Variants in EPAS1 observed in about 807,000 individuals in gnomAD.
The protein encoded by EPAS1 is endothelial PAS domain protein 1, also known as endothelial PAS domain-containing protein 1.
EPAS1 carries 23 observed loss-of-function variants against 87.9 expected under a neutral mutation model. The observed-to-expected ratio is 0.26, with a 90% CI of 0.19 to 0.37. EPAS1 has a LOEUF of 0.37. Among genes scored for constraint, EPAS1 ranks in the 10% least tolerant of loss-of-function variants. EPAS1 has a pLI of 1.00. For synonymous variants in EPAS1, 508 were observed against 444.3 expected (o/e 1.14, Z -1.80); for missense variants, 1,138 against 1,120.7 (o/e 1.02, Z -0.22).
At chr2:46,340,705 AT>A (rs1246623506) in intron 1 of EPAS1, among the ~76,000 whole-genome samples, 3 of 151,956 alleles carry the variant, frequency 2.0e-5, no homozygotes, top group Non-Finnish European at 4.4e-5. Context: ...CTAATTTAAT[AT>A]TTTCCATTCT....
chr2:46,315,605 C>G (rs1021505011), intron 1 of EPAS1, among the ~76,000 whole-genome samples: 3 of 152,214 alleles, frequency 2.0e-5, no homozygotes, highest in African/African-American at 7.2e-5. Flanking sequence ...CCTTGCCAGG[C>G]CTGCCCAGAA....
chr2:46,360,581 C>T lies in EPAS1; in HGVS notation c.455-57C>T, dbSNP rs1684365126. The T allele has an allele frequency of 6.8e-7, 1 of 1,472,424 alleles. No homozygotes were observed. Among genetic ancestry groups the T allele is most frequent in the African/African-American group, 1.4e-5 (1 of 72,080 alleles). 91.2% of individuals were successfully genotyped at this position (1,472,424 alleles called of 1,614,324 possible). The stretch of plus-strand genomic sequence containing the variant: ...AGAAAAACTGCAGCTGGGCCCCTCT[C>T]ATGAATATCCATATAAAACTGACTT... On this transcript the variant is annotated intron_variant, in intron 4 of 15. Transcript: ENST00000263734. This position sits in a 1 kb window ranked among gnomAD's most constrained non-coding sequence, Gnocchi z 4.5.
At chr2:46,311,991 A>G (rs913945786) in intron 1 of EPAS1, among the ~76,000 whole-genome samples, 1 of 152,194 alleles carries the variant, frequency 6.6e-6, no homozygotes, top group Non-Finnish European at 1.5e-5. Flanking sequence ...ATTCCAGGCC[A>G]CCTGTATCTC....
At chr2:46,324,146 A>C (rs888913386) in intron 1 of EPAS1, among the ~76,000 whole-genome samples, 2 of 152,194 alleles carry the variant, frequency 1.3e-5, no homozygotes, top group African/African-American at 4.8e-5. Context: ...GGCTCACTGC[A>C]AGCTCCGCCT....
intron 1 of EPAS1, among the ~76,000 whole-genome samples, chr2:46,302,839 C>T (rs1300264809): frequency 2.6e-5 from 4 of 151,644 alleles, no homozygotes; most frequent in South Asian, 2.1e-4. Context: ...TTTGAGAGGC[C>T]GAGGCAGGCA....
chr2:46,356,560 C>T (rs1325343466), intron 3 of EPAS1, among the ~76,000 whole-genome samples, 164 bp from the exon 4 acceptor site: 3 of 152,148 alleles, frequency 2.0e-5, no homozygotes, highest in Admixed American at 6.5e-5. Context: ...CAGTAGTCCC[C>T]GATTACATCT....
chr2:46,315,473 A>T (rs542284183), intron 1 of EPAS1, among the ~76,000 whole-genome samples: 1 of 152,278 alleles, frequency 6.6e-6, no homozygotes, highest in East Asian at 1.9e-4. Context: ...CAAGTTCTGG[A>T]TGGCTGCCCA....
intron 11 of EPAS1, chr2:46,379,947 G>T: frequency 1.9e-6 from 1 of 524,008 alleles, no homozygotes. Flanking sequence ...GAGAGAAGGC[G>T]GGCTCCGGAC....
intron 10 of EPAS1, 100 bp from the exon 11 acceptor site, chr2:46,378,557 G>A: frequency 2.0e-6 from 2 of 976,970 alleles, no homozygotes; most frequent in South Asian, 2.7e-5. Flanking sequence ...GAATGGAATT[G>A]AACCTTTGGG....
chr2:46,302,160 CG>C (rs201373195), intron 1 of EPAS1, among the ~76,000 whole-genome samples: 3,749 of 73,648 alleles, frequency 0.051, 152 homozygotes, highest in African/African-American at 0.1. Flanking sequence ...GCCCGTGCGT[CG>C]GGGGGGGGGG....
At chr2:46,313,964 ATTTG>A (rs1430392876) in intron 1 of EPAS1, among the ~76,000 whole-genome samples, 1 of 152,106 alleles carries the variant, frequency 6.6e-6, no homozygotes, top group Non-Finnish European at 1.5e-5. Context: ...TATTTCTTAT[ATTTG>A]TTCAGTGCTT....
chr2:46,317,312 T>A (rs1387706713), intron 1 of EPAS1, among the ~76,000 whole-genome samples: 1 of 152,236 alleles, frequency 6.6e-6, no homozygotes, highest in Non-Finnish European at 1.5e-5. Flanking sequence ...TCACTATCTA[T>A]GGCAGCTATA....
chr2:46,347,247 T>C lies in EPAS1; in HGVS notation c.217+184T>C, dbSNP rs554219035. The C allele has an allele frequency of 1.0e-5, 7 of 701,786 alleles. No homozygotes were observed. The South Asian group carries it at 1.0e-4, about 10-fold the overall frequency. 43.5% of individuals were successfully genotyped at this position (701,786 alleles called of 1,614,324 possible). A position where few individuals can be genotyped will look rare whatever the true frequency, so the allele number is the denominator to read the frequency against. ...AACATCTCTCTTCCAGCAGTGACCTTTACCGTGAATCCAGCTGTGAGAGGA... is the reference window on the plus strand; with the variant it reads ...AACATCTCTCTTCCAGCAGTGACCTCTACCGTGAATCCAGCTGTGAGAGGA... On this transcript the variant is annotated intron_variant, in intron 2 of 15. Coordinates refer to ENST00000263734, the MANE Select transcript of EPAS1 (RefSeq NM_001430.5). The surrounding 1 kb of genome is among the most constrained non-coding windows in gnomAD (Gnocchi z 4.2).
At position 46,356,205 on chromosome 2, in the gene EPAS1, A is replaced by G. The variant is rs1181746327; in HGVS notation, c.272A>G (p.Tyr91Cys). ...AEADQQMDNL[Y>C]LKALEGFIAV... is the part of the protein sequence containing the mutation. ...GCTGACCAGCAGATGGACAACTTGT[A>G]CCTGAAAGCCTTGGAGGGTTTCATT... is the stretch of plus-strand genomic sequence containing the variant. The change falls in exon 3 of 16, where the codon TAC (tyrosine) becomes TGC (cysteine). Residue 91 changes from tyrosine to cysteine, a missense_variant. Transcript: ENST00000263734. The G allele has an allele frequency of 1.3e-6, 2 of 1,599,444 alleles. No individual in the cohort carries two copies. Among genetic ancestry groups the G allele is most frequent in the Non-Finnish European group, 1.7e-6 (2 of 1,172,594 alleles).
chr2:46,355,396 A>C (rs115561882), intron 2 of EPAS1, among the ~76,000 whole-genome samples: 1 of 152,172 alleles, frequency 6.6e-6, no homozygotes, highest in Non-Finnish European at 1.5e-5. Flanking sequence ...AAGCCTATGA[A>C]TGGTTGAGTG....
At chr2:46,353,745 A>G (rs1250647282) in intron 2 of EPAS1, among the ~76,000 whole-genome samples, 1 of 152,224 alleles carries the variant, frequency 6.6e-6, no homozygotes, top group East Asian at 1.9e-4. Context: ...AGAAACCCCA[A>G]GCAGGGATCA....
chr2:46,345,917 T>C (rs910645930), intron 1 of EPAS1, among the ~76,000 whole-genome samples: 2 of 152,214 alleles, frequency 1.3e-5, no homozygotes, highest in Non-Finnish European at 2.9e-5. Flanking sequence ...TTATCACATT[T>C]AGTCCTCACA....
At chr2:46,361,404 G>T (rs1471328153) in intron 6 of EPAS1, among the ~76,000 whole-genome samples, 2 of 152,198 alleles carry the variant, frequency 1.3e-5, no homozygotes, top group Admixed American at 1.3e-4. Context: ...TCTCAAGGCA[G>T]TCTTCTGCCC....
chr2:46,352,579 C>G (rs1453319785), intron 2 of EPAS1, among the ~76,000 whole-genome samples: 1 of 152,208 alleles, frequency 6.6e-6, no homozygotes, highest in Admixed American at 6.5e-5. Context: ...AGATTTGTGA[C>G]ATGAGCCTCC....
Sources: gnomAD v4.1 joint callset for allele counts (sites outside exome capture counted in the v4.1 genomes callset) on GRCh38, gnomAD v4.1.1 for gene constraint, Gnocchi (gnomAD v3.1) non-coding constraint, MANE v1.5 for transcripts, NCBI Gene and HGNC (gene_info 2026-07-23, HGNC 2026-07-21) for gene names.